SYNRG: variants seen among roughly 807,000 people sequenced by gnomAD.
The protein encoded by SYNRG is AP1 gamma subunit binding protein 1.
A neutral mutation model predicts 130.9 loss-of-function variants in SYNRG; 37 were observed. The observed-to-expected ratio is 0.28, with a 90% confidence interval of 0.22 to 0.37. The LOEUF (loss-of-function observed/expected upper bound fraction) is 0.37, where lower values mean the gene tolerates loss of function less well. Ranked by LOEUF, SYNRG falls within the 10% of genes least tolerant of loss-of-function variation. SYNRG has a pLI of 1.00. For missense variants in SYNRG, 1,338 were observed against 1,588.9 expected (o/e 0.84, Z 2.68); for synonymous variants, 539 against 568.1 (o/e 0.95, Z 0.73).
At chr17:37,575,813 AG>A (rs1312865807) in intron 8 of SYNRG, among the ~76,000 whole-genome samples, 1 of 149,416 alleles carries the variant, frequency 6.7e-6, no homozygotes, top group Non-Finnish European at 1.5e-5. Context: ...ACTGAACTCC[AG>A]CCTGGGTGAC....
At position 37,596,291 on chromosome 17, in the gene SYNRG, G is replaced by C; in HGVS notation, c.172C>G (p.Pro58Ala). 6.2e-7 allele frequency: 1 copy of C among 1,614,116 alleles called. No homozygotes were observed. Among genetic ancestry groups the C allele is most frequent in the African/African-American group, 1.3e-5 (1 of 75,030 alleles). Residue 58 changes from proline to alanine, a missense_variant, in exon 3 of 22, where the codon CCT becomes GCT. By Grantham distance (27) the Pro-to-Ala change is conservative. Coordinates refer to ENST00000612223, the MANE Select transcript of SYNRG (RefSeq NM_007247.6). ...QGFPMVSVMQ[P>A]NMQGIMGMNY... is the part of the protein sequence containing the mutation. The stretch of plus-strand genomic sequence containing the variant: ...ATTCCCATAATGCCTTGCATATTAG[G>C]CTGCATGACAGAGACCATAGGAAAT...
chr17:37,557,245 A>T (rs1445379417), intron 13 of SYNRG: 1 of 152,210 alleles, frequency 6.6e-6, no homozygotes, highest in African/African-American at 2.4e-5. Flanking sequence ...TATACAGAAC[A>T]TTTCCTCATT....
At chr17:37,543,697 G>A (rs1436138967) in intron 14 of SYNRG, among the ~76,000 whole-genome samples, 2 of 152,212 alleles carry the variant, frequency 1.3e-5, no homozygotes, top group African/African-American at 4.8e-5. Context: ...CAACTTGACA[G>A]TTAATTGCTG....
At chr17:37,586,085 G>A (rs953235903) in intron 4 of SYNRG, among the ~76,000 whole-genome samples, 3 of 152,018 alleles carry the variant, frequency 2.0e-5, no homozygotes, top group African/African-American at 4.8e-5. Context: ...CCTCAACCTC[G>A]GGGCCCAGGT....
chr17:37,546,171 A>C (rs1224346378), intron 14 of SYNRG, among the ~76,000 whole-genome samples: 1 of 152,250 alleles, frequency 6.6e-6, no homozygotes, highest in Non-Finnish European at 1.5e-5. Flanking sequence ...TAAATGATAG[A>C]AAAAATGATG....
chr17:37,564,447 T>C (rs2059770571), intron 11 of SYNRG, among the ~76,000 whole-genome samples: 1 of 152,262 alleles, frequency 6.6e-6, no homozygotes, highest in African/African-American at 2.4e-5. Context: ...ATTTATTCTA[T>C]ACACAGTAGC....
At chr17:37,583,573 A>G (rs962733962) in intron 6 of SYNRG, among the ~76,000 whole-genome samples, 7 of 152,244 alleles carry the variant, frequency 4.6e-5, no homozygotes, top group Admixed American at 4.6e-4. Context: ...AAATTTATCA[A>G]TGCAACATTT....
At chr17:37,574,858 T>C (rs1173588577) in intron 8 of SYNRG, among the ~76,000 whole-genome samples, 1 of 151,952 alleles carries the variant, frequency 6.6e-6, no homozygotes, top group African/African-American at 2.4e-5. Flanking sequence ...TTCTCCATAG[T>C]GGCTGTACTA....
chr17:37,594,459 C>CTTTTT (rs1413482052), intron 3 of SYNRG, among the ~76,000 whole-genome samples: 1 of 137,738 alleles, frequency 7.3e-6, no homozygotes, highest in Non-Finnish European at 1.6e-5. Flanking sequence ...TGCCTTTCTT[C>CTTTTT]TTCTTTTTTT....
intron 19 of SYNRG, among the ~76,000 whole-genome samples, chr17:37,533,588 CTT>C (rs533546189): frequency 7.4e-5 from 10 of 135,318 alleles, no homozygotes; most frequent in Admixed American, 2.2e-4. Context: ...TTTTCTTTTT[CTT>C]TTTTTTTTTT....
intron 19 of SYNRG, among the ~76,000 whole-genome samples, chr17:37,529,173 T>G (rs890015158): frequency 6.6e-6 from 1 of 152,238 alleles, no homozygotes; most frequent in African/African-American, 2.4e-5. Context: ...CCCAGCCCTT[T>G]TCTCCATTTA....
chr17:37,579,920 A>G (rs1444170718), intron 6 of SYNRG, among the ~76,000 whole-genome samples: 1 of 151,736 alleles, frequency 6.6e-6, no homozygotes, highest in East Asian at 1.9e-4. Flanking sequence ...GTGTCTCACT[A>G]TGTTGCCCAA....
chr17:37,539,393 T>C, intron 16 of SYNRG, 148 bp from the exon 17 acceptor site: 1 of 870,122 alleles, frequency 1.1e-6, no homozygotes, highest in South Asian at 1.8e-5. Context: ...GTTTTTGTTT[T>C]TGTTTTGAGA....
At chr17:37,566,348 C>G (rs1458481935) in intron 11 of SYNRG, among the ~76,000 whole-genome samples, 1 of 146,628 alleles carries the variant, frequency 6.8e-6, no homozygotes, top group African/African-American at 2.6e-5. Context: ...CAACCCTGTG[C>G]TCTCTGAAAC....
At chr17:37,576,453 C>T (rs1233636429) in intron 7 of SYNRG, 35 bp from the exon 8 acceptor site, 14 of 1,578,364 alleles carry the variant, frequency 8.9e-6, no homozygotes, top group Non-Finnish European at 1.2e-5. Context: ...ATATAGTGGT[C>T]CATGGAGAAG....
Position 37,538,575 on chromosome 17 carries a change from AAT to A in SYNRG, c.3421-157_3421-156del, listed in dbSNP as rs202064912. ...AATCCTCCATTTCTCTGGAAGAGAA[AAT>A]ATGTTTTTTTCCTTTTGTTTTGTTT... On this transcript the variant is annotated intron_variant, in intron 17 of 21. Coordinates refer to ENST00000612223, the MANE Select transcript of SYNRG (RefSeq NM_007247.6). Among the ~76,000 whole-genome samples the A allele has an allele frequency of 8.5e-5, 13 of 152,336 alleles. No homozygotes were observed. The East Asian group carries it at 1.5e-3, about 18-fold the overall frequency.
chr17:37,586,633 T>A, intron 3 of SYNRG, 84 bp from the exon 4 acceptor site: 1 of 1,441,902 alleles, frequency 6.9e-7, no homozygotes, highest in East Asian at 2.3e-5. Flanking sequence ...ATAAATTCTA[T>A]CTTAATACTC....
In SYNRG at chr17:37,553,574, C is replaced by T. The variant is rs753930749; in HGVS notation, c.2149G>A (p.Glu717Lys). 2.8e-5 allele frequency: 46 copies of T among 1,614,070 alleles called. No homozygotes were observed. The highest frequency in any genetic ancestry group is 3.6e-5 in the Non-Finnish European group (43 of 1,180,042). Reference protein sequence around the residue: ...KPDDKYDALKEEASPVPLTSN... With the variant: ...KPDDKYDALKKEASPVPLTSN... The stretch of plus-strand genomic sequence containing the variant: ...GTTAGAGGAACAGGACTGGCTTCCT[C>T]TTTAAGGGCATCATATTTGTCATCC... Residue 717 changes from glutamate (E) to lysine (K), a missense_variant, in exon 14 of 22, where the codon GAG (glutamate) becomes AAG (lysine). Coordinates refer to ENST00000612223, the MANE Select transcript of SYNRG (RefSeq NM_007247.6).
intron 19 of SYNRG, among the ~76,000 whole-genome samples, chr17:37,525,695 C>A (rs144310695): frequency 2.6e-5 from 4 of 151,756 alleles, no homozygotes; most frequent in Admixed American, 6.6e-5. Context: ...ATGCCGGGAG[C>A]GGTGGCTCAC....
Sources: allele counts gnomAD v4.1 joint callset (sites outside exome capture counted in the v4.1 genomes callset), GRCh38; gene constraint gnomAD v4.1.1; transcripts MANE v1.5; gene names NCBI Gene and HGNC (gene_info 2026-07-23, HGNC 2026-07-21).